The following MAD1L1 variants were observed in gnomAD, a reference collection of about 807,000 sequenced individuals.
The protein encoded by MAD1L1 is mitotic arrest deficient 1 like 1.
MAD1L1 carries 95 observed loss-of-function variants against 96.9 expected under a neutral mutation model. That is an observed-to-expected ratio of 0.98 (90% CI 0.83 to 1.16). The LOEUF is 1.16. Among genes scored for constraint, MAD1L1 ranks in the 50% most tolerant of loss-of-function variants. The pLI is 0.00. For missense variants in MAD1L1, 1,007 were observed against 954.4 expected (o/e 1.06, Z -0.73); for synonymous variants, 473 against 396.6 (o/e 1.19, Z -2.29).
At chr7:1,955,394 G>A (rs1159790127) in intron 16 of MAD1L1, among the ~76,000 whole-genome samples, 2 of 152,146 alleles carry the variant, frequency 1.3e-5, no homozygotes, top group Admixed American at 6.5e-5. Context: ...GGGTTCAAGC[G>A]ATTCTCCTGC....
Position 2,217,999 on chromosome 7 carries a change from C to G in MAD1L1, c.641G>C (p.Ser214Thr). The change falls in exon 7 of 19, where the codon AGC becomes ACC. Residue 214 changes from serine (S) to threonine (T), a missense_variant. Ser to Thr is a moderately conservative substitution (Grantham distance 58). Coordinates refer to ENST00000265854, the MANE Select transcript of MAD1L1 (RefSeq NM_001013836.2). ...ANQKIQELQA[S>T]QEARADHEQQ... ...CTCGTGGTCTGCTCTTGCTTCTTGG[C>G]TGGCCTGGAGTTCCTGGATTTTCTG... 6.2e-7 allele frequency: 1 copy of G among 1,614,176 alleles called. No homozygotes were observed. The highest frequency in any genetic ancestry group is 8.5e-7 in the Non-Finnish European group (1 of 1,179,988).
intron 10 of MAD1L1, among the ~76,000 whole-genome samples, chr7:2,167,755 A>T (rs1790510518): frequency 1.3e-5 from 2 of 150,314 alleles, no homozygotes; most frequent in Non-Finnish European, 3.0e-5. Flanking sequence ...AATATTTTAG[A>T]CCAGGCATGA....
chr7:1,885,738 A>T (rs1785973937), intron 18 of MAD1L1, among the ~76,000 whole-genome samples: 1 of 152,132 alleles, frequency 6.6e-6, no homozygotes. Context: ...GCAGAGGCAG[A>T]TCCCCGAGGG....
intron 11 of MAD1L1, among the ~76,000 whole-genome samples, chr7:2,089,991 A>C (rs1786125711): frequency 6.6e-6 from 1 of 152,242 alleles, no homozygotes; most frequent in African/African-American, 2.4e-5. Flanking sequence ...TTGGTTTGCT[A>C]CCAGCTATGC....
At chr7:2,029,450 G>A (rs79451539) in intron 12 of MAD1L1, among the ~76,000 whole-genome samples, 1,977 of 152,292 alleles carry the variant, frequency 0.013, 31 homozygotes, top group African/African-American at 0.045. Context: ...GTGACACCGT[G>A]TTCCCGACCG....
chr7:1,959,028 G>T (rs959118014), intron 15 of MAD1L1, among the ~76,000 whole-genome samples: 7 of 152,212 alleles, frequency 4.6e-5, no homozygotes, highest in Admixed American at 3.9e-4. Flanking sequence ...AAGGCAGCTG[G>T]ATCGCTTGAG....
chr7:2,011,652 C>A (rs1782308686), intron 13 of MAD1L1, among the ~76,000 whole-genome samples: 1 of 152,204 alleles, frequency 6.6e-6, no homozygotes, highest in Non-Finnish European at 1.5e-5. Context: ...GGAGGTGCCC[C>A]CTCTGATGAG....
At chr7:1,848,690 C>G (rs187628998) in intron 18 of MAD1L1, 22 of 154,432 alleles carry the variant, frequency 1.4e-4, no homozygotes, top group African/African-American at 5.3e-4. Flanking sequence ...AAGCTGAGCT[C>G]TGTCTGACCT....
intron 11 of MAD1L1, among the ~76,000 whole-genome samples, chr7:2,113,040 C>T (rs1240257144): frequency 1.3e-5 from 2 of 151,630 alleles, no homozygotes; most frequent in Non-Finnish European, 2.9e-5. Context: ...ATAACCTACT[C>T]GACGAGGGGC....
chr7:2,048,342 G>A (rs1028785305), intron 12 of MAD1L1, among the ~76,000 whole-genome samples: 16 of 152,152 alleles, frequency 1.1e-4, no homozygotes, highest in Non-Finnish European at 1.8e-4. Context: ...CTCATCCAAC[G>A]ACAAATTCCT....
At chr7:1,830,397 A>G (rs1330136268) in intron 18 of MAD1L1, among the ~76,000 whole-genome samples, 1 of 152,098 alleles carries the variant, frequency 6.6e-6, no homozygotes, top group Admixed American at 6.5e-5. Flanking sequence ...ACTCTGTCTC[A>G]AAAAAAATAA....
At chr7:1,955,917 T>C (rs944262753) in intron 16 of MAD1L1, among the ~76,000 whole-genome samples, 23 of 145,638 alleles carry the variant, frequency 1.6e-4, no homozygotes, top group Admixed American at 1.3e-3. Flanking sequence ...ACGAACTATT[T>C]TGCAGAGTAG....
At chr7:1,935,475 C>T (rs141090824) in intron 17 of MAD1L1, among the ~76,000 whole-genome samples, 2,046 of 152,312 alleles carry the variant, frequency 0.013, 39 homozygotes, top group African/African-American at 0.046. Flanking sequence ...CCACTAAGCC[C>T]CTACCTGCCG....
chr7:2,012,698 T>C (rs1782358069), intron 13 of MAD1L1, among the ~76,000 whole-genome samples: 1 of 152,170 alleles, frequency 6.6e-6, no homozygotes, highest in South Asian at 2.1e-4. Flanking sequence ...TTGTCAAGCG[T>C]GGTGGTGGTT....
chr7:2,145,167 G>C (rs1407842697), intron 11 of MAD1L1, among the ~76,000 whole-genome samples: 1 of 152,130 alleles, frequency 6.6e-6, no homozygotes, highest in Non-Finnish European at 1.5e-5. Flanking sequence ...CACGTCCCGG[G>C]GACTGCCGAG....
At chr7:2,097,082 G>A (rs1786531674) in intron 11 of MAD1L1, among the ~76,000 whole-genome samples, 1 of 152,120 alleles carries the variant, frequency 6.6e-6, no homozygotes, top group Non-Finnish European at 1.5e-5. Flanking sequence ...GGCGGGAGAT[G>A]TGAAAGGGGA....
At chr7:2,038,967 A>C (rs181068326) in intron 12 of MAD1L1, among the ~76,000 whole-genome samples, 1 of 152,334 alleles carries the variant, frequency 6.6e-6, no homozygotes, top group African/African-American at 2.4e-5. Context: ...ACAATGATAC[A>C]GTCAAGATAC....
chr7:2,041,223 T>C (rs1783658392), intron 12 of MAD1L1, among the ~76,000 whole-genome samples: 1 of 152,134 alleles, frequency 6.6e-6, no homozygotes, highest in Non-Finnish European at 1.5e-5. Flanking sequence ...CTTCAGAAAA[T>C]CCGAGCTGAC....
intron 13 of MAD1L1, among the ~76,000 whole-genome samples, chr7:2,010,346 G>A (rs1280396110): frequency 2.0e-5 from 3 of 152,072 alleles, no homozygotes; most frequent in South Asian, 2.1e-4. Context: ...TGCCTAAATC[G>A]TTAGGAACTA....
Sources: gnomAD v4.1 joint callset for allele counts (sites outside exome capture counted in the v4.1 genomes callset) on GRCh38, gnomAD v4.1.1 for gene constraint, MANE v1.5 for transcripts, NCBI Gene and HGNC (gene_info 2026-07-23, HGNC 2026-07-21) for gene names.